The following CSMD3 variants were observed in gnomAD, a reference collection of about 807,000 sequenced individuals.
CSMD3 encodes CUB and sushi domain-containing protein 3.
Under a neutral mutation model 435.2 loss-of-function variants are expected in CSMD3, and 177 were observed. That is an observed-to-expected ratio of 0.41 (90% CI 0.36 to 0.46). The LOEUF is 0.46. CSMD3 is among the 20% of genes least tolerant of loss of function. CSMD3 has a pLI of 0.34. For missense variants in CSMD3, 4,265 were observed against 4,504.6 expected (o/e 0.95, Z 1.52); for synonymous variants, 1,656 against 1,520.5 (o/e 1.09, Z -2.07).
rs551019512 is a variant in CSMD3 at position 112,601,494 on chromosome 8, G to A, written c.3716-14259C>T. 4.6e-5 allele frequency among the ~76,000 whole-genome samples: 7 copies of A among 152,126 alleles called. No homozygotes were observed. In the Middle Eastern group the frequency reaches 0.01, roughly 222 times the overall value. On this transcript the variant is annotated intron_variant, in intron 22 of 70. Transcript: ENST00000297405. ...AACTTCACTTTCTCAAGGACTATAG[G>A]AATTTCTATAAATTACTATACTACA...
intron 3 of CSMD3, among the ~76,000 whole-genome samples, chr8:113,252,182 T>TTC (rs945794866): frequency 6.6e-6 from 1 of 152,046 alleles, no homozygotes. Context: ...TGATCTTCCC[T>TTC]TCTCTCTCTC....
At chr8:112,943,183 T>C in intron 9 of CSMD3, among the ~76,000 whole-genome samples, 1 of 151,796 alleles carries the variant, frequency 6.6e-6, no homozygotes, top group East Asian at 1.9e-4. Context: ...GTTGTTTTCT[T>C]ATTGTTAAAT....
Position 112,939,469 on chromosome 8 carries a change from A to G in CSMD3, c.1508+8321T>C, listed in dbSNP as rs1224200249. 2.6e-5 allele frequency among the ~76,000 whole-genome samples: 4 copies of G among 151,932 alleles called. No homozygotes were observed. In the Middle Eastern group the frequency reaches 9.5e-3, roughly 361 times the overall value. On this transcript the variant is annotated intron_variant, in intron 9 of 70. Coordinates refer to ENST00000297405, the MANE Select transcript of CSMD3 (RefSeq NM_198123.2). ...ATTTCAGTTTGGTGCCACCCTTTCCATTTTTATTTAAAAGGAAAGACAACT... is the reference window on the plus strand; with the variant it reads ...ATTTCAGTTTGGTGCCACCCTTTCCGTTTTTATTTAAAAGGAAAGACAACT...
intron 10 of CSMD3, among the ~76,000 whole-genome samples, chr8:112,897,694 C>CTCTG (rs1277884675): frequency 2.2e-5 from 2 of 90,964 alleles, no homozygotes; most frequent in Admixed American, 1.3e-4. Context: ...CTCTCTCTCT[C>CTCTG]TGTGTGTGTG....
intron 22 of CSMD3, among the ~76,000 whole-genome samples, chr8:112,599,187 C>A (rs555738629): frequency 0.019 from 2,574 of 136,484 alleles, 45 homozygotes; most frequent in East Asian, 0.043. Flanking sequence ...AAAAAAACAA[C>A]CCCATCAAAA....
Position 112,638,824 on chromosome 8 carries a change from A to T in CSMD3, c.3398T>A (p.Leu1133Gln), listed in dbSNP as rs754092078. 1 of 1,612,872 alleles carries T rather than the reference A, an allele frequency of 6.2e-7. No homozygotes were observed. The highest frequency in any genetic ancestry group is 1.1e-5 in the South Asian group (1 of 91,066). The change falls in exon 21 of 71, where the codon CTG (leucine) becomes CAG (glutamine). Residue 1133 changes from leucine (L) to glutamine (Q), a missense_variant. By Grantham distance (113) the Leu-to-Gln change is moderately radical. Around this residue, in one of 3 missense-constraint regions of CSMD3, gnomAD observed 3,255 missense variants for 3,380.2 expected, o/e 0.96. Coordinates refer to ENST00000297405, the MANE Select transcript of CSMD3 (RefSeq NM_198123.2). ...AAGATCTGAACCAGTCAGGCGTGCCAGTGGTTGGGTAAAACTGCCATTCTC... is the reference window on the plus strand; with the variant it reads ...AAGATCTGAACCAGTCAGGCGTGCCTGTGGTTGGGTAAAACTGCCATTCTC... ...ITENGSFTQP[L>Q]ARLTGSDLPP... is the part of the protein sequence containing the mutation.
chr8:112,633,470 C>A (rs1400668454), intron 22 of CSMD3, among the ~76,000 whole-genome samples: 2 of 151,994 alleles, frequency 1.3e-5, no homozygotes, highest in Non-Finnish European at 1.5e-5. Flanking sequence ...TTGTATTAAA[C>A]TTACTTTCAC....
At chr8:113,338,960 A>C (rs1204388490) in intron 1 of CSMD3, among the ~76,000 whole-genome samples, 1 of 151,928 alleles carries the variant, frequency 6.6e-6, no homozygotes, top group Non-Finnish European at 1.5e-5. Flanking sequence ...ACACTTTAAA[A>C]TGTTTTTCAT....
At chr8:112,798,996 C>T (rs2078896101) in intron 13 of CSMD3, among the ~76,000 whole-genome samples, 1 of 151,654 alleles carries the variant, frequency 6.6e-6, no homozygotes, top group South Asian at 2.1e-4. Flanking sequence ...ATGTAAAATA[C>T]AAGTTGCCGG....
intron 22 of CSMD3, among the ~76,000 whole-genome samples, chr8:112,609,201 CAAAAAAAAAAA>C (rs71566035): frequency 0.27 from 11,618 of 43,070 alleles, 641 homozygotes; most frequent in Admixed American, 0.34. Flanking sequence ...GATACTGCCT[CAAAAAAAAAAA>C]AAAAAAAAAA....
intron 30 of CSMD3, among the ~76,000 whole-genome samples, chr8:112,501,570 C>T (rs1031136407): frequency 1.3e-5 from 2 of 152,198 alleles, no homozygotes; most frequent in African/African-American, 2.4e-5. Flanking sequence ...TTCTGAAGCT[C>T]TCATCCTCTG....
intron 13 of CSMD3, among the ~76,000 whole-genome samples, chr8:112,770,594 T>TA (rs2078088869): frequency 6.6e-6 from 1 of 152,028 alleles, no homozygotes; most frequent in African/African-American, 2.4e-5. Context: ...TTGTAAAATG[T>TA]ACTGAAAATA....
chr8:112,931,105 T>C (rs952787008), intron 9 of CSMD3, among the ~76,000 whole-genome samples: 1 of 152,110 alleles, frequency 6.6e-6, no homozygotes, highest in African/African-American at 2.4e-5. Context: ...ATCAATTAGC[T>C]TTTTATTAAA....
rs2131589830 is a variant in CSMD3, at chr8:112,638,853, G to A, written c.3369C>T (p.Ile1123=). Residue 1123 remains isoleucine, a synonymous_variant, in exon 21 of 71, where the codon ATC becomes ATT. Coordinates refer to ENST00000297405, the MANE Select transcript of CSMD3 (RefSeq NM_198123.2). ...GTTGGGTAAAACTGCCATTCTCTGT[G>A]ATCAGTAAGTAGTCATGATGGTCTT... ...HLEDHHDYLL[I]TENGSFTQPL... is the part of the protein sequence containing the mutation. 6.2e-7 allele frequency: 1 copy of A among 1,613,340 alleles called. No individual in the cohort carries two copies. The highest frequency in any genetic ancestry group is 1.1e-5 in the South Asian group (1 of 91,072).
chr8:113,384,392 G>A (rs1003258185), intron 1 of CSMD3, among the ~76,000 whole-genome samples: 3 of 152,132 alleles, frequency 2.0e-5, no homozygotes, highest in Non-Finnish European at 4.4e-5. Flanking sequence ...TATCAGTCAG[G>A]ATCCAGACAG....
chr8:113,192,300 C>T (rs2092597336), intron 3 of CSMD3, among the ~76,000 whole-genome samples: 1 of 151,624 alleles, frequency 6.6e-6, no homozygotes, highest in South Asian at 2.1e-4. Context: ...TATCTTCTTA[C>T]AGTTCACAGT....
chr8:112,884,498 G>T lies in CSMD3; in HGVS notation c.1634-25232C>A, dbSNP rs563756707. On this transcript the variant is annotated intron_variant, in intron 10 of 70. Transcript: ENST00000297405. The stretch of plus-strand genomic sequence containing the variant: ...GTTATAGAGGGATGTCTTGTGCATT[G>T]CAGAATGCTTAGCAACATTCCTGTC... Among the ~76,000 whole-genome samples, 4 of 151,792 alleles carry T rather than the reference G, an allele frequency of 2.6e-5. No individual in the cohort carries two copies. In the South Asian group the frequency reaches 6.2e-4, roughly 24 times the overall value.
chr8:112,757,079 A>AT (rs2077718774), intron 13 of CSMD3, among the ~76,000 whole-genome samples: 1 of 151,950 alleles, frequency 6.6e-6, no homozygotes, highest in Non-Finnish European at 1.5e-5. Flanking sequence ...CTCCCTTCTT[A>AT]TTTTGAGTTA....
At chr8:113,144,972 G>T (rs2091638553) in intron 4 of CSMD3, among the ~76,000 whole-genome samples, 3 of 151,434 alleles carry the variant, frequency 2.0e-5, no homozygotes, top group Non-Finnish European at 4.4e-5. Context: ...TTTTATAGAA[G>T]GTCTATCAAA....
Sources: allele counts gnomAD v4.1 joint callset (sites outside exome capture counted in the v4.1 genomes callset), GRCh38; gene constraint gnomAD v4.1.1; regional missense constraint gnomAD v4.1.1; transcripts MANE v1.5; gene names NCBI Gene and HGNC (gene_info 2026-07-23, HGNC 2026-07-21).